FGR: variants seen among roughly 807,000 people sequenced by gnomAD.
The protein encoded by FGR is tyrosine-protein kinase Fgr.
In FGR, 26 loss-of-function variants were observed where a neutral mutation model predicts 63.2. That is an observed-to-expected ratio of 0.41 (90% CI 0.30 to 0.57). The LOEUF (loss-of-function observed/expected upper bound fraction) is 0.57, where lower values mean the gene tolerates loss of function less well. FGR is among the 20% of genes least tolerant of loss of function. The pLI is 0.27. For missense variants in FGR, 511 were observed against 690.8 expected, an observed-to-expected ratio of 0.74 and a Z score of 2.92; for synonymous variants, 286 against 277.7, an observed-to-expected ratio of 1.03 and a Z score of -0.30.
chr1:27,614,007 C>T (rs1008985254), intron 11 of FGR, among the ~76,000 whole-genome samples: 1 of 152,134 alleles, frequency 6.6e-6, no homozygotes. Context: ...GACGAGGAAA[C>T]GGAGACACTG....
At position 27,614,587 on chromosome 1, in the gene FGR, G is replaced by C; in HGVS notation, c.1096-4C>G. ...TGTAGGCCATGCCCTCAGCTACCTG[G>C]GGGACCATAGTGTGGAGAGATGGGA... is the stretch of plus-strand genomic sequence containing the variant. On this transcript the variant is annotated splice_region_variant and splice_polypyrimidine_tract_variant and intron_variant, in intron 10 of 12. Coordinates refer to ENST00000374005, the MANE Select transcript of FGR (RefSeq NM_005248.3). The C allele has an allele frequency of 3.1e-6, 5 of 1,613,642 alleles. No individual in the cohort carries two copies. In the South Asian group the frequency reaches 3.3e-5, roughly 11 times the overall value.
chr1:27,627,036 G>A (rs1432375394), intron 1 of FGR, among the ~76,000 whole-genome samples: 2 of 152,060 alleles, frequency 1.3e-5, no homozygotes, highest in Non-Finnish European at 1.5e-5. Context: ...AGCCAGTCCT[G>A]ATGGCACCCA....
At chr1:27,632,966 C>A (rs1472862891) in intron 1 of FGR, among the ~76,000 whole-genome samples, 1 of 152,180 alleles carries the variant, frequency 6.6e-6, no homozygotes, top group Non-Finnish European at 1.5e-5. Context: ...GAGGTCTGGC[C>A]ACTTCCTTTG....
Position 27,612,822 on chromosome 1 carries a change from G to A in FGR, c.*92C>T, listed in dbSNP as rs552290450. 39 of 1,271,568 alleles carry A rather than the reference G, an allele frequency of 3.1e-5. No individual in the cohort carries two copies. In the African/African-American group the frequency reaches 4.7e-4, roughly 15 times the overall value. 78.8% of individuals were successfully genotyped at this position (1,271,568 alleles called of 1,614,324 possible). A position where few individuals can be genotyped will look rare whatever the true frequency, so the allele number is the denominator to read the frequency against. On this transcript the variant is annotated 3_prime_UTR_variant, in exon 13 of 13. Coordinates refer to ENST00000374005, the MANE Select transcript of FGR (RefSeq NM_005248.3). ...CTCGGTGATGCTAGGACTCTATGGG[G>A]TTCTAAGCCAGCCTGGGGGCTTTGG...
intron 1 of FGR, among the ~76,000 whole-genome samples, chr1:27,628,148 T>A (rs1294714724): frequency 2.1e-5 from 3 of 146,042 alleles, no homozygotes; most frequent in Admixed American, 1.4e-4. Flanking sequence ...CACTCCAGCC[T>A]GAGTGACAGT....
chr1:27,623,238 AC>A (rs2089962821), intron 3 of FGR, 94 bp from the exon 4 acceptor site: 1 of 862,678 alleles, frequency 1.2e-6, no homozygotes, highest in African/African-American at 1.7e-5. Context: ...CAGGTGCTGC[AC>A]CTCCCCACTC....
Position 27,613,139 on chromosome 1 carries a change from TGTCA to T in FGR, c.1382-21_1382-18del. ...TATTCATGCCTGAAGGATGGGTCTC[TGTCA>T]GTCAAAGGGACAGCCAGGTGGAAGC... is the stretch of plus-strand genomic sequence containing the variant. On this transcript the variant is annotated intron_variant, in intron 12 of 12. Coordinates refer to ENST00000374005, the MANE Select transcript of FGR (RefSeq NM_005248.3). 1 of 1,612,852 alleles carries T rather than the reference TGTCA, an allele frequency of 6.2e-7. No homozygotes were observed. Among genetic ancestry groups the T allele is most frequent in the Non-Finnish European group, 8.5e-7 (1 of 1,178,936 alleles).
intron 1 of FGR, among the ~76,000 whole-genome samples, chr1:27,632,745 C>CG (rs796178982): frequency 2.3e-4 from 33 of 144,970 alleles, no homozygotes; most frequent in Middle Eastern, 6.9e-3. Context: ...GCCATGGCGG[C>CG]GGGGGGCGGG....
intron 12 of FGR, 27 bp downstream of exon 12, chr1:27,613,192 C>T: frequency 6.2e-7 from 1 of 1,611,286 alleles, no homozygotes; most frequent in Non-Finnish European, 8.5e-7. Flanking sequence ...CATCCCCCAC[C>T]CCAGCCCTAC....
chr1:27,630,637 C>T (rs547837005), intron 1 of FGR, among the ~76,000 whole-genome samples: 1 of 152,236 alleles, frequency 6.6e-6, no homozygotes, highest in South Asian at 2.1e-4. Flanking sequence ...GTCGCTGAAT[C>T]TGAAGAAGCC....
chr1:27,624,783 G>A lies in FGR; in HGVS notation c.-14+306C>T, dbSNP rs550411721. On this transcript the variant is annotated intron_variant, in intron 2 of 12. Transcript: ENST00000374005. ...AATGTGCACCTATCTCTGTGTGGGA[G>A]CAGTGTGCCTGTCTCTGGATGTGTG... Among the ~76,000 whole-genome samples, 6 of 152,188 alleles carry A rather than the reference G, an allele frequency of 3.9e-5. No homozygotes were observed. In the East Asian group the frequency reaches 9.6e-4, roughly 24 times the overall value.
chr1:27,626,940 G>T (rs2148530754), intron 1 of FGR, among the ~76,000 whole-genome samples: 1 of 152,214 alleles, frequency 6.6e-6, no homozygotes. Context: ...GCCGAGGCAG[G>T]ATGATTGCTT....
intron 5 of FGR, among the ~76,000 whole-genome samples, chr1:27,618,890 T>C (rs1348652455): frequency 1.3e-5 from 2 of 152,148 alleles, no homozygotes; most frequent in African/African-American, 4.8e-5. Context: ...CTTCCTCACC[T>C]CCCACTCCCT....
At chr1:27,613,449 T>A in intron 11 of FGR, 99 bp from the exon 12 acceptor site, 1 of 1,384,500 alleles carries the variant, frequency 7.2e-7, no homozygotes, top group Non-Finnish European at 9.9e-7. Context: ...ACGTCTGTAA[T>A]CCCAGCACTT....
chr1:27,626,795 G>T (rs1364111409), intron 1 of FGR, among the ~76,000 whole-genome samples: 1 of 152,122 alleles, frequency 6.6e-6, no homozygotes, highest in East Asian at 1.9e-4. Context: ...GAAAATAGAG[G>T]TGGAGGACTG....
At chr1:27,627,420 G>A (rs1477728703) in intron 1 of FGR, among the ~76,000 whole-genome samples, 5 of 149,216 alleles carry the variant, frequency 3.4e-5, no homozygotes, top group South Asian at 2.1e-4. Context: ...GCCCTCATCC[G>A]TCTGCACATA....
Position 27,615,986 on chromosome 1 carries a change from G to T in FGR, c.683-142C>A, listed in dbSNP as rs981168604. On this transcript the variant is annotated intron_variant, in intron 7 of 12. Coordinates refer to ENST00000374005, the MANE Select transcript of FGR (RefSeq NM_005248.3). This position sits in a 1 kb window ranked among gnomAD's most constrained non-coding sequence, Gnocchi z 7.6. ...AGTGAGGTCACAGGCCAGGAAGAAA[G>T]GCAACCCGATCCACTAAATAGGGGA... 3.2e-6 allele frequency: 3 copies of T among 924,916 alleles called. No individual in the cohort carries two copies. The highest frequency in any genetic ancestry group is 4.7e-6 in the Non-Finnish European group (3 of 638,490). The allele number at this position is 924,916 out of a possible 1,614,324, so 57.3% of individuals were successfully genotyped here.
intron 1 of FGR, among the ~76,000 whole-genome samples, chr1:27,629,410 A>G (rs998551654): frequency 7.2e-5 from 11 of 152,076 alleles, no homozygotes; most frequent in African/African-American, 2.7e-4. Flanking sequence ...AACAGAGACA[A>G]AGAGACAGAG....
intron 10 of FGR, 116 bp from the exon 11 acceptor site, chr1:27,614,699 C>T (rs1487895100): frequency 2.9e-6 from 4 of 1,391,366 alleles, no homozygotes; most frequent in Non-Finnish European, 2.0e-6. Context: ...AGACTGAGGC[C>T]CAGAAAGAGA....
Sources: gnomAD v4.1 joint callset for allele counts (sites outside exome capture counted in the v4.1 genomes callset) on GRCh38, gnomAD v4.1.1 for gene constraint, Gnocchi (gnomAD v3.1) non-coding constraint, MANE v1.5 for transcripts, NCBI Gene and HGNC (gene_info 2026-07-23, HGNC 2026-07-21) for gene names.